The following OR3A2 variants were observed in gnomAD, a reference collection of about 807,000 sequenced individuals.
The protein encoded by OR3A2 is olfactory receptor 3A2.
For synonymous variants in OR3A2, 126 were observed against 159.3 expected (o/e 0.79, Z 1.57); for missense variants, 318 against 392.8 (o/e 0.81, Z 1.61).
intron 3 of OR3A2, among the ~76,000 whole-genome samples, chr17:3,315,920 T>A (rs887993550): frequency 6.6e-6 from 1 of 152,162 alleles, no homozygotes; most frequent in Non-Finnish European, 1.5e-5. Flanking sequence ...GAGGCAGTCA[T>A]CTTGTCCATC....
At chr17:3,300,711 C>T (rs1338058224) in intron 3 of OR3A2, among the ~76,000 whole-genome samples, 1 of 150,502 alleles carries the variant, frequency 6.6e-6, no homozygotes, top group Non-Finnish European at 1.5e-5. Flanking sequence ...TTAAATTATA[C>T]TTTAAGTTCT....
intron 2 of OR3A2, among the ~76,000 whole-genome samples, chr17:3,340,091 T>C (rs941445710): frequency 2.6e-5 from 4 of 152,190 alleles, no homozygotes; most frequent in Non-Finnish European, 4.4e-5. Flanking sequence ...TGATGGTGGT[T>C]TGTATTTCTG....
At chr17:3,375,958 A>C (rs567726100) in intron 2 of OR3A2, among the ~76,000 whole-genome samples, 74 of 152,312 alleles carry the variant, frequency 4.9e-4, no homozygotes, top group African/African-American at 1.8e-3. Flanking sequence ...ATCTGTCTTC[A>C]GGTCTCCCAG....
At chr17:3,368,493 C>A (rs1247227381) in intron 2 of OR3A2, among the ~76,000 whole-genome samples, 1 of 152,066 alleles carries the variant, frequency 6.6e-6, no homozygotes, top group African/African-American at 2.4e-5. Flanking sequence ...GAATAGGGTG[C>A]CCTTTCCCCA....
At chr17:3,308,236 G>A (rs1032410661) in intron 3 of OR3A2, among the ~76,000 whole-genome samples, 2 of 152,162 alleles carry the variant, frequency 1.3e-5, no homozygotes, top group Non-Finnish European at 2.9e-5. Flanking sequence ...GCCTCCAGGG[G>A]AACAATGAGG....
At chr17:3,287,200 T>A (rs747932047), upstream of OR3A2, among the ~76,000 whole-genome samples, 3 of 152,208 alleles carry the variant, frequency 2.0e-5, no homozygotes, top group African/African-American at 7.2e-5. Flanking sequence ...TAATGTACAC[T>A]GTACTAATTA....
At chr17:3,287,389 T>G (rs572812128), upstream of OR3A2, among the ~76,000 whole-genome samples, 9 of 152,314 alleles carry the variant, frequency 5.9e-5, no homozygotes, top group Non-Finnish European at 1.2e-4. Flanking sequence ...ATTTCTGATT[T>G]TCCATTGTCT....
At chr17:3,327,863 C>T (rs62091261) in intron 3 of OR3A2, among the ~76,000 whole-genome samples, 88,080 of 130,110 alleles carry the variant, frequency 0.68, 32,671 homozygotes, top group East Asian at 1. Context: ...GATCAGATAG[C>T]TGTAGACATG....
chr17:3,328,049 T>C (rs981391805), intron 3 of OR3A2, among the ~76,000 whole-genome samples: 1 of 144,874 alleles, frequency 6.9e-6, no homozygotes, highest in African/African-American at 2.7e-5. Flanking sequence ...GGCTCTTTTT[T>C]GGTTCCATAT....
At chr17:3,288,554 C>T (rs1428217766), upstream of OR3A2, among the ~76,000 whole-genome samples, 1 of 152,130 alleles carries the variant, frequency 6.6e-6, no homozygotes, top group Non-Finnish European at 1.5e-5. Flanking sequence ...CATGACTGTA[C>T]ATAAAAATGT....
intron 3 of OR3A2, chr17:3,291,139 TTG>T: frequency 6.5e-6 from 1 of 152,918 alleles, no homozygotes; most frequent in African/African-American, 2.4e-5. Flanking sequence ...AGCTACTTTT[TTG>T]TTTTTGTTTC....
At chr17:3,349,948 A>C (rs2049404826) in intron 2 of OR3A2, among the ~76,000 whole-genome samples, 2 of 151,234 alleles carry the variant, frequency 1.3e-5, no homozygotes, top group Non-Finnish European at 2.9e-5. Context: ...TACATAATGA[A>C]ATGAAGGCAG....
chr17:3,380,721 A>G (rs1290043040), intron 2 of OR3A2, among the ~76,000 whole-genome samples: 5 of 152,200 alleles, frequency 3.3e-5, no homozygotes, highest in African/African-American at 1.2e-4. Flanking sequence ...TGGGCACACC[A>G]TCAAGAGAAG....
intron 2 of OR3A2, among the ~76,000 whole-genome samples, chr17:3,374,227 G>T (rs1035886785): frequency 6.6e-6 from 1 of 152,232 alleles, no homozygotes; most frequent in Non-Finnish European, 1.5e-5. Flanking sequence ...CAGCTCTTAA[G>T]ATTTGTTCCT....
In OR3A2 at chr17:3,326,296, G is replaced by C. The variant is rs181731869; in HGVS notation, c.-85+9737C>G. Reference sequence around the variant, plus strand: ...AATAGAATGATTTCTATTCATTTGGGTTTATACCCAGTAATGGGATTGCTG... The same window carrying C: ...AATAGAATGATTTCTATTCATTTGGCTTTATACCCAGTAATGGGATTGCTG... On this transcript the variant is annotated intron_variant, in intron 3 of 4. Transcript: ENST00000573491. 5.6e-3 allele frequency among the ~76,000 whole-genome samples: 849 copies of C among 152,114 alleles called. 3 individuals are homozygous for C. Among genetic ancestry groups the C allele is most frequent in the Non-Finnish European group, 8.9e-3 (605 of 68,012 alleles).
intron 2 of OR3A2, among the ~76,000 whole-genome samples, chr17:3,371,433 A>C (rs1597362570): frequency 1.7e-5 from 2 of 114,850 alleles, no homozygotes; most frequent in African/African-American, 3.5e-5. Flanking sequence ...TGACCCCCCC[A>C]CCTCCCTCCC....
intron 3 of OR3A2, among the ~76,000 whole-genome samples, chr17:3,332,451 G>C (rs2049244536): frequency 6.6e-6 from 1 of 152,232 alleles, no homozygotes; most frequent in African/African-American, 2.4e-5. Flanking sequence ...TCGGGTGGGA[G>C]TGACCTGATT....
Position 3,348,995 on chromosome 17 carries a change from G to A in OR3A2, c.-178-12869C>T, listed in dbSNP as rs151180116. ...CAAGCAAATGCTGAGAGATTTTGTCGCCACCAGGCCTGCACTAAAAGAGTT... is the reference window on the plus strand; with the variant it reads ...CAAGCAAATGCTGAGAGATTTTGTCACCACCAGGCCTGCACTAAAAGAGTT... On this transcript the variant is annotated intron_variant, in intron 2 of 4. Coordinates refer to the OR3A2 transcript ENST00000573491. Among the ~76,000 whole-genome samples the A allele has an allele frequency of 1.6e-3, 243 of 151,874 alleles. 1 individual carries two copies. The highest frequency in any genetic ancestry group is 0.01 in the Middle Eastern group (3 of 294).
chr17:3,334,320 C>T (rs1025654325), intron 3 of OR3A2, among the ~76,000 whole-genome samples: 3 of 152,152 alleles, frequency 2.0e-5, no homozygotes, highest in African/African-American at 7.2e-5. Context: ...CCATTCCTGG[C>T]CTCTGGTAAC....
Sources: gnomAD v4.1 joint callset for allele counts (sites outside exome capture counted in the v4.1 genomes callset) on GRCh38, gnomAD v4.1.1 for gene constraint, MANE v1.5 for transcripts, NCBI Gene and HGNC (gene_info 2026-07-23, HGNC 2026-07-21) for gene names.